Variants in HLTF observed in about 807,000 individuals in gnomAD.
HLTF encodes the protein helicase like transcription factor, also known as DNA-dependent ATPase/E3 ubiquitin-protein ligase HLTF.
HLTF carries 127 observed loss-of-function variants against 129.4 expected under a neutral mutation model. That is an observed-to-expected ratio of 0.98 (90% CI 0.85 to 1.14). HLTF has a LOEUF of 1.14. HLTF is among the 50% of genes most tolerant of loss of function. HLTF has a pLI of 0.00. For synonymous variants in HLTF, 332 were observed against 388.8 expected, an observed-to-expected ratio of 0.85 and a Z score of 1.72; for missense variants, 1,139 against 1,187.1, an observed-to-expected ratio of 0.96 and a Z score of 0.60.
intron 22 of HLTF, 57 bp from the exon 23 acceptor site, chr3:149,039,286 AAAGTT>A: frequency 8.3e-7 from 1 of 1,201,246 alleles, no homozygotes; most frequent in Non-Finnish European, 1.1e-6. Context: ...AAAATAAAAC[AAAGTT>A]AAGTAACTAC....
At chr3:149,055,276 A>C (rs1229132797) in intron 14 of HLTF, 27 bp downstream of exon 14, 1 of 1,460,702 alleles carries the variant, frequency 6.8e-7, no homozygotes, top group Admixed American at 1.7e-5. Context: ...AAATTATGTT[A>C]CATTTTTAAA....
intron 13 of HLTF, among the ~76,000 whole-genome samples, chr3:149,057,173 A>C (rs866493830): frequency 1.1e-4 from 16 of 148,926 alleles, no homozygotes; most frequent in Middle Eastern, 7.4e-3. Flanking sequence ...CATGCCTGTA[A>C]TCCCAGCACT....
At chr3:149,059,518 A>C in intron 13 of HLTF, 200 bp downstream of exon 13, 1 of 530,358 alleles carries the variant, frequency 1.9e-6, no homozygotes, top group Non-Finnish European at 3.3e-6. Context: ...GCCCTAACTA[A>C]AACAAATACA....
Position 149,085,435 on chromosome 3 carries a change from G to A in HLTF, c.21-546C>T, listed in dbSNP as rs542356517. Among the ~76,000 whole-genome samples, 6 of 152,324 alleles carry A rather than the reference G, an allele frequency of 3.9e-5. No homozygotes were observed. In the East Asian group the frequency reaches 1.2e-3, roughly 29 times the overall value. On this transcript the variant is annotated intron_variant, in intron 1 of 24. Transcript: ENST00000310053. ...ACCCGGGAGGCGTAGGTTGCAGCGA[G>A]CCGAGATTGTGCCACTGCACTCCAG...
At chr3:149,083,786 G>A (rs1559887077) in intron 2 of HLTF, 1 of 151,736 alleles carries the variant, frequency 6.6e-6, no homozygotes, top group Non-Finnish European at 1.5e-5. Context: ...GGGTATGGTG[G>A]TGAACGCCAG....
chr3:149,081,072 T>C (rs1203539368), intron 2 of HLTF, among the ~76,000 whole-genome samples: 1 of 152,102 alleles, frequency 6.6e-6, no homozygotes, highest in African/African-American at 2.4e-5. Flanking sequence ...TTGCCCACAG[T>C]ATTCAGTAAA....
At chr3:149,033,905 C>CA (rs971910847) in intron 24 of HLTF, among the ~76,000 whole-genome samples, 1 of 151,810 alleles carries the variant, frequency 6.6e-6, no homozygotes, top group Admixed American at 6.6e-5. Context: ...TTTTCATGAC[C>CA]AAAAAAATGC....
chr3:149,049,000 G>A lies in HLTF; in HGVS notation c.1619C>T (p.Thr540Ile), dbSNP rs756263932. Residue 540 changes from threonine to isoleucine, a missense_variant and splice_region_variant, in exon 16 of 25, where the codon ACT (threonine) becomes ATT (isoleucine). By Grantham distance (89) the Thr-to-Ile change is moderately conservative (BLOSUM62 -1). Transcript: ENST00000310053. Reference protein sequence around the residue: ...TYNILTHDYGTKGDSPLHSIR... With the variant: ...TYNILTHDYGIKGDSPLHSIR... The stretch of plus-strand genomic sequence containing the variant: ...GCTATGTAATGGACTATCTCCTTTA[G>A]TCTGAAATAAATGTTTTATATGAAT... 3 of 1,589,418 alleles carry A rather than the reference G, an allele frequency of 1.9e-6. No homozygotes were observed. In the East Asian group the frequency reaches 6.7e-5, roughly 36 times the overall value.
intron 18 of HLTF, among the ~76,000 whole-genome samples, chr3:149,045,466 T>C (rs898198300): frequency 3.3e-5 from 5 of 152,208 alleles, no homozygotes; most frequent in African/African-American, 1.2e-4. Flanking sequence ...TATAAGTGCC[T>C]GGCACACAGT....
Position 149,046,140 on chromosome 3 carries a change from G to GA in HLTF, c.2011dup (p.Ser671PhefsTer3). 1 of 1,611,146 alleles carries GA rather than the reference G, an allele frequency of 6.2e-7. No individual in the cohort carries two copies. Among genetic ancestry groups the GA allele is most frequent in the Non-Finnish European group, 8.5e-7 (1 of 1,178,406 alleles). ...CTGATAAATCTTTCTCTCTTCATCTGAAAGTGTAATGTGCTGAATAAATAC... is the reference window on the plus strand; with the variant it reads ...CTGATAAATCTTTCTCTCTTCATCTGAAAAGTGTAATGTGCTGAATAAATAC... On this transcript the variant is annotated frameshift_variant, in exon 18 of 25. Transcript: ENST00000310053. LOFTEE classifies it high-confidence loss of function.
intron 7 of HLTF, 105 bp downstream of exon 7, chr3:149,071,147 C>A: frequency 1.5e-6 from 1 of 672,942 alleles, no homozygotes; most frequent in South Asian, 2.4e-5. Flanking sequence ...GATCTAGTCC[C>A]AAACTGGTAC....
At position 149,084,576 on chromosome 3, in the gene HLTF, T is replaced by A; in HGVS notation, c.228+106A>T. 3.7e-6 allele frequency: 3 copies of A among 800,778 alleles called. No individual in the cohort carries two copies. In the South Asian group the frequency reaches 5.4e-5, roughly 14 times the overall value. The allele number at this position is 800,778 out of a possible 1,614,324, so 49.6% of individuals were successfully genotyped here. A position where few individuals can be genotyped will look rare whatever the true frequency, so the allele number is the denominator to read the frequency against. Reference sequence around the variant, plus strand: ...TTTGCGTACAAATATTTAACTAACTTAAAGTAAAATAAAGATTAACCGCAC... The same window carrying A: ...TTTGCGTACAAATATTTAACTAACTAAAAGTAAAATAAAGATTAACCGCAC... On this transcript the variant is annotated intron_variant, in intron 2 of 24. Coordinates refer to ENST00000310053, the MANE Select transcript of HLTF (RefSeq NM_003071.4).
chr3:149,056,263 G>A (rs1391082413), intron 13 of HLTF, among the ~76,000 whole-genome samples: 3 of 152,188 alleles, frequency 2.0e-5, no homozygotes, highest in South Asian at 2.1e-4. Flanking sequence ...TTGTTACACA[G>A]TAATAGGTAA....
chr3:149,072,068 T>A (rs1482878930), intron 5 of HLTF, among the ~76,000 whole-genome samples: 2 of 152,018 alleles, frequency 1.3e-5, no homozygotes, highest in Non-Finnish European at 2.9e-5. Flanking sequence ...ATTAAGAAAT[T>A]GAAATTAAAT....
chr3:149,047,903 A>T, intron 17 of HLTF, 125 bp downstream of exon 17: 1 of 662,568 alleles, frequency 1.5e-6, no homozygotes, highest in Non-Finnish European at 2.4e-6. Flanking sequence ...AAAGGTACTG[A>T]GCCATAAACA....
intron 14 of HLTF, among the ~76,000 whole-genome samples, chr3:149,053,455 T>A (rs894618876): frequency 5.3e-5 from 8 of 152,210 alleles, no homozygotes; most frequent in Non-Finnish European, 5.9e-5. Flanking sequence ...CCCATCACCT[T>A]CTGCCAAGAG....
intron 15 of HLTF, 108 bp from the exon 16 acceptor site, chr3:149,049,109 G>C: frequency 1.5e-6 from 1 of 688,132 alleles, no homozygotes; most frequent in Non-Finnish European, 2.4e-6. Flanking sequence ...TTTACTATGT[G>C]CTAGGTACTG....
chr3:149,059,642 T>C, intron 13 of HLTF, 76 bp downstream of exon 13: 1 of 844,682 alleles, frequency 1.2e-6, no homozygotes, highest in East Asian at 2.6e-5. Context: ...TATGGTTTTA[T>C]AACTTAAAAT....
intron 23 of HLTF, among the ~76,000 whole-genome samples, chr3:149,037,327 C>T (rs370204976): frequency 1.5e-4 from 23 of 151,578 alleles, no homozygotes; most frequent in Admixed American, 9.9e-4. Context: ...AAATTAGCCA[C>T]GCGTGGTGGC....
Sources: allele counts gnomAD v4.1 joint callset (sites outside exome capture counted in the v4.1 genomes callset), GRCh38; gene constraint gnomAD v4.1.1; transcripts MANE v1.5; gene names NCBI Gene and HGNC (gene_info 2026-07-23, HGNC 2026-07-21).